Variants in YES1 observed in about 807,000 individuals in gnomAD.
YES1 encodes the protein tyrosine-protein kinase Yes.
YES1 carries 39 observed loss-of-function variants against 70.4 expected under a neutral mutation model. The observed-to-expected ratio is 0.55, with a 90% CI of 0.43 to 0.72. The LOEUF (loss-of-function observed/expected upper bound fraction) is 0.72. YES1 is among the 30% of genes least tolerant of loss of function. YES1 has a pLI of 0.00. For missense variants in YES1, 495 were observed against 644.8 expected, an observed-to-expected ratio of 0.77 and a Z score of 2.52; for synonymous variants, 198 against 218.6, an observed-to-expected ratio of 0.91 and a Z score of 0.83.
chr18:732,864 G>C lies in YES1; in HGVS notation c.1393C>G (p.Leu465Val), dbSNP rs779230964. The stretch of plus-strand genomic sequence containing the variant: ...TATGGCACTCGGCCCTTTGTTACTA[G>C]TTCTGTTTGCAGAATTCCAAATGAC... Reference protein sequence around the residue: ...VWSFGILQTELVTKGRVPYPG... With the variant: ...VWSFGILQTEVVTKGRVPYPG... The change falls in exon 11 of 12, where the codon CTA (leucine) becomes GTA (valine). Residue 465 changes from leucine to valine, a missense_variant. Physicochemically the swap from Leu to Val is conservative, Grantham distance 32 (BLOSUM62 1). Coordinates refer to ENST00000314574, the MANE Select transcript of YES1 (RefSeq NM_005433.4). The C allele has an allele frequency of 2.5e-6, 4 of 1,614,214 alleles. No individual in the cohort carries two copies. The East Asian group carries it at 8.9e-5, about 36-fold the overall frequency.
intron 1 of YES1, among the ~76,000 whole-genome samples, chr18:764,414 G>C (rs1904764222): frequency 6.6e-6 from 1 of 152,078 alleles, no homozygotes; most frequent in Non-Finnish European, 1.5e-5. Context: ...TAGAGACAGA[G>C]TATCACCATG....
chr18:736,851 A>G lies in YES1; in HGVS notation c.1248T>C (p.Gly416=). The G allele has an allele frequency of 3.7e-6, 6 of 1,612,596 alleles. No homozygotes were observed. Among genetic ancestry groups the G allele is most frequent in the Non-Finnish European group, 5.1e-6 (6 of 1,179,984 alleles). The change falls in exon 10 of 12, where the codon GGT becomes GGC. Residue 416 remains glycine, a synonymous_variant. Transcript: ENST00000314574. ...CATTGTCTTCAATTAACCTTGCTAA[A>G]CCAAAGTCTGCTATTTTGCACACAA... ...ENLVCKIADF[G]LARLIEDNEY...
At chr18:769,538 TATG>T (rs1375000358) in intron 1 of YES1, among the ~76,000 whole-genome samples, 1 of 152,238 alleles carries the variant, frequency 6.6e-6, no homozygotes, top group Admixed American at 6.5e-5. Flanking sequence ...CACTATTATG[TATG>T]ATATTAGCTG....
In YES1 at chr18:742,971, T is replaced by C. The variant is rs986140676; in HGVS notation, c.1007A>G (p.Tyr336Cys). 1.9e-6 allele frequency: 3 copies of C among 1,609,570 alleles called. No homozygotes were observed. Among genetic ancestry groups the C allele is most frequent in the Non-Finnish European group, 2.5e-6 (3 of 1,179,100 alleles). ...AATTGGTTCTTCAGAAACAACAGCATATAGTGGAACAAGTTTATCATGTCT... is the reference window on the plus strand; with the variant it reads ...AATTGGTTCTTCAGAAACAACAGCACATAGTGGAACAAGTTTATCATGTCT... ...KLRHDKLVPLYAVVSEEPIYI... is the reference protein window; with the variant it reads ...KLRHDKLVPLCAVVSEEPIYI... The change falls in exon 8 of 12, where the codon TAT becomes TGT. Residue 336 changes from tyrosine (Y) to cysteine (C), a missense_variant. Tyr to Cys is a radical substitution (Grantham distance 194). This residue lies in a region of YES1 where 385 missense variants were observed against 540.9 expected (regional missense o/e 0.71). Coordinates refer to ENST00000314574, the MANE Select transcript of YES1 (RefSeq NM_005433.4).
chr18:739,380 G>C (rs1425189371), intron 9 of YES1: 2 of 162,618 alleles, frequency 1.2e-5, no homozygotes, highest in Middle Eastern at 2.7e-3. Flanking sequence ...AGGATCCTTT[G>C]AGCCAAGGAC....
chr18:754,925 C>T (rs933844193), intron 2 of YES1, among the ~76,000 whole-genome samples: 20 of 152,164 alleles, frequency 1.3e-4, no homozygotes, highest in African/African-American at 4.3e-4. Context: ...TCTTGCTCAC[C>T]TCTCCATACC....
intron 11 of YES1, among the ~76,000 whole-genome samples, chr18:726,405 A>AC (rs1419163846): frequency 6.6e-6 from 1 of 151,804 alleles, no homozygotes; most frequent in African/African-American, 2.4e-5. Flanking sequence ...AGCCTGGGTG[A>AC]CAGAGTGGGA....
At chr18:747,819 T>C in intron 4 of YES1, 101 bp downstream of exon 4, 1 of 990,224 alleles carries the variant, frequency 1.0e-6, no homozygotes, top group South Asian at 1.5e-5. Flanking sequence ...GTATTAAGAC[T>C]GGTATATAAT....
At chr18:810,977 T>A (rs1317267601) in intron 1 of YES1, among the ~76,000 whole-genome samples, 1 of 152,214 alleles carries the variant, frequency 6.6e-6, no homozygotes, top group Admixed American at 6.5e-5. Context: ...AGATTTACCA[T>A]GCACTTTTCC....
chr18:811,903 C>T (rs1009572541), intron 1 of YES1, among the ~76,000 whole-genome samples: 18 of 152,290 alleles, frequency 1.2e-4, no homozygotes, highest in African/African-American at 4.3e-4. Context: ...GGGCAGAGAC[C>T]GAGTCAGGGG....
intron 1 of YES1, among the ~76,000 whole-genome samples, chr18:783,406 C>T (rs1240587499): frequency 1.3e-5 from 2 of 151,924 alleles, no homozygotes; most frequent in African/African-American, 2.4e-5. Context: ...CACACACACA[C>T]ACACACGGAA....
intron 1 of YES1, among the ~76,000 whole-genome samples, chr18:803,492 TTTTG>T (rs1180364216): frequency 6.6e-6 from 1 of 152,212 alleles, no homozygotes; most frequent in Non-Finnish European, 1.5e-5. Context: ...TTTCTACTAT[TTTTG>T]TTTATTACCC....
chr18:781,611 G>A (rs1402363660), intron 1 of YES1, among the ~76,000 whole-genome samples: 1 of 152,148 alleles, frequency 6.6e-6, no homozygotes, highest in Non-Finnish European at 1.5e-5. Flanking sequence ...TTAGCCTAGT[G>A]TTGGCTCATA....
intron 3 of YES1, 78 bp from the exon 4 acceptor site, chr18:748,096 C>T: frequency 8.7e-7 from 1 of 1,152,134 alleles, no homozygotes; most frequent in Non-Finnish European, 1.3e-6. Context: ...TATCTTGTAT[C>T]TGAAGTAAAC....
intron 11 of YES1, among the ~76,000 whole-genome samples, chr18:731,767 A>G (rs1401187276): frequency 6.6e-6 from 1 of 152,132 alleles, no homozygotes; most frequent in East Asian, 1.9e-4. Flanking sequence ...GGAGATCGAG[A>G]CCATCCTGGT....
chr18:782,876 G>T (rs1035761717), intron 1 of YES1, among the ~76,000 whole-genome samples: 2 of 152,098 alleles, frequency 1.3e-5, no homozygotes, highest in Non-Finnish European at 2.9e-5. Context: ...TGTATTTTTA[G>T]TAGAGACAGG....
At chr18:735,985 A>G (rs2080148213) in intron 10 of YES1, 1 of 152,430 alleles carries the variant, frequency 6.6e-6, no homozygotes, top group African/African-American at 2.4e-5. Context: ...AGCTTGGGCA[A>G]CATGGCAAAA....
At position 743,378 on chromosome 18, in the gene YES1, C is replaced by T. The variant is rs966112883; in HGVS notation, c.762G>A (p.Val254=). 8.1e-6 allele frequency: 13 copies of T among 1,612,886 alleles called. No homozygotes were observed. Among genetic ancestry groups the T allele is most frequent in the Admixed American group, 1.7e-5 (1 of 59,980 alleles). Residue 254 remains valine, a synonymous_variant, in exon 7 of 12, where the codon GTG becomes GTA. Transcript: ENST00000314574. ...ADGLCHKLTT[V]CPTVKPQTQG... Reference sequence around the variant, plus strand: ...GAGTCTGAGGTTTCACAGTTGGACACACAGTTGTCAACTTGTGGCATAAAC... The same window carrying T: ...GAGTCTGAGGTTTCACAGTTGGACATACAGTTGTCAACTTGTGGCATAAAC...
chr18:764,274 G>A (rs1230553719), intron 1 of YES1, among the ~76,000 whole-genome samples: 1 of 152,140 alleles, frequency 6.6e-6, no homozygotes, highest in African/African-American at 2.4e-5. Flanking sequence ...CTAGGCTAGA[G>A]CACAATGGTA....
Sources: allele counts gnomAD v4.1 joint callset (sites outside exome capture counted in the v4.1 genomes callset), GRCh38; gene constraint gnomAD v4.1.1; regional missense constraint gnomAD v4.1.1; transcripts MANE v1.5; gene names NCBI Gene and HGNC (gene_info 2026-07-23, HGNC 2026-07-21).